Variants in KANSL1L observed in about 807,000 individuals in gnomAD.
KANSL1L encodes KAT8 regulatory NSL complex subunit 1 like, also known as KAT8 regulatory NSL complex subunit 1-like protein.
KANSL1L carries 25 observed loss-of-function variants against 108.6 expected under a neutral mutation model. The ratio of observed to expected loss-of-function variants is 0.23; its 90% CI spans 0.17 to 0.32. The LOEUF (loss-of-function observed/expected upper bound fraction) is 0.32. Among genes scored for constraint, KANSL1L ranks in the 10% least tolerant of loss-of-function variants. The pLI, the probability that KANSL1L is intolerant of heterozygous loss-of-function variation, is 1.00. For missense variants in KANSL1L, 1,137 were observed against 1,125.7 expected, an observed-to-expected ratio of 1.01 and a Z score of -0.14; for synonymous variants, 405 against 395.1, an observed-to-expected ratio of 1.03 and a Z score of -0.30.
chr2:210,125,148 G>C (rs1290473687), intron 3 of KANSL1L, among the ~76,000 whole-genome samples: 1 of 152,124 alleles, frequency 6.6e-6, no homozygotes, highest in Non-Finnish European at 1.5e-5. Context: ...CAGCTACTCA[G>C]GGGGCTGAGG....
At chr2:210,072,214 G>GAC (rs1180431009) in intron 6 of KANSL1L, among the ~76,000 whole-genome samples, 1 of 152,072 alleles carries the variant, frequency 6.6e-6, no homozygotes, top group African/African-American at 2.4e-5. Flanking sequence ...TGGCTTTCAT[G>GAC]ACATTGACAT....
In KANSL1L at chr2:210,129,076, T is replaced by A; in HGVS notation, c.1185A>T (p.Lys395Asn). Residue 395 changes from lysine to asparagine, a missense_variant, in exon 3 of 15, where the codon AAA becomes AAT. Lys to Asn is a moderately conservative substitution (Grantham distance 94, BLOSUM62 0). Coordinates refer to ENST00000281772, the MANE Select transcript of KANSL1L (RefSeq NM_152519.4). ...LQAQISDLEC[K>N]IQQLTDIHRQ... Reference sequence around the variant, plus strand: ...TGTGAATGTCTGTTAGTTGTTGGATTTTGCATTCTAGGTCTGAAATCTGAG... The same window carrying A: ...TGTGAATGTCTGTTAGTTGTTGGATATTGCATTCTAGGTCTGAAATCTGAG... 1 of 1,613,966 alleles carries A rather than the reference T, an allele frequency of 6.2e-7. No individual in the cohort carries two copies. Among genetic ancestry groups the A allele is most frequent in the Non-Finnish European group, 8.5e-7 (1 of 1,179,872 alleles).
At chr2:210,140,691 T>G (rs2095219664) in intron 2 of KANSL1L, among the ~76,000 whole-genome samples, 1 of 152,186 alleles carries the variant, frequency 6.6e-6, no homozygotes. Context: ...CTATGGAAAA[T>G]GCCAGTGGAA....
At chr2:210,112,083 A>C (rs191542302) in intron 3 of KANSL1L, among the ~76,000 whole-genome samples, 1 of 152,262 alleles carries the variant, frequency 6.6e-6, no homozygotes, top group East Asian at 1.9e-4. Context: ...TTATGGCTGC[A>C]TAGTATTCCA....
intron 1 of KANSL1L, among the ~76,000 whole-genome samples, chr2:210,169,281 AC>A (rs1688184640): frequency 6.6e-6 from 1 of 152,194 alleles, no homozygotes; most frequent in Non-Finnish European, 1.5e-5. Context: ...CACTAGCAAA[AC>A]CAGAAACATC....
chr2:210,150,810 A>G (rs1319572283), intron 2 of KANSL1L, among the ~76,000 whole-genome samples: 1 of 151,886 alleles, frequency 6.6e-6, no homozygotes, highest in Non-Finnish European at 1.5e-5. Flanking sequence ...AAAAAGAAAA[A>G]GAAAAAAAGA....
At chr2:210,079,704 A>ATATATATATATATGTATGTGTGTGTG (rs1559540024) in intron 5 of KANSL1L, 1 of 86,484 alleles carries the variant, frequency 1.2e-5, no homozygotes, top group African/African-American at 4.9e-5. Flanking sequence ...ATGTGTGTAT[A>ATATATATATATATGTATGTGTGTGTG]TATATATATA....
intron 4 of KANSL1L, among the ~76,000 whole-genome samples, chr2:210,098,490 A>G (rs1340304165): frequency 6.6e-6 from 1 of 152,110 alleles, no homozygotes; most frequent in African/African-American, 2.4e-5. Context: ...CAGCCTTTAT[A>G]TAATATTACC....
At chr2:210,167,495 T>A (rs543885926) in intron 1 of KANSL1L, among the ~76,000 whole-genome samples, 1 of 152,178 alleles carries the variant, frequency 6.6e-6, no homozygotes, top group South Asian at 2.1e-4. Flanking sequence ...TTTTTCTGTG[T>A]ATATCGATTT....
At chr2:210,148,384 C>T (rs903934787) in intron 2 of KANSL1L, among the ~76,000 whole-genome samples, 4 of 152,148 alleles carry the variant, frequency 2.6e-5, no homozygotes, top group Non-Finnish European at 5.9e-5. Flanking sequence ...TGAGAAATAA[C>T]GTAACTGTAG....
Position 210,044,431 on chromosome 2 carries a change from T to A in KANSL1L, c.1756-327A>T, listed in dbSNP as rs1467033206. On this transcript the variant is annotated intron_variant, in intron 6 of 14. Transcript: ENST00000281772. This position sits in a 1 kb window ranked among gnomAD's most constrained non-coding sequence, Gnocchi z 4.2. ...AACTGTAATTTTTTTCCTTCAATCCTACTAGTTTTTTTTTTAGGGAGTTCC... is the reference window on the plus strand; with the variant it reads ...AACTGTAATTTTTTTCCTTCAATCCAACTAGTTTTTTTTTTAGGGAGTTCC... Among the ~76,000 whole-genome samples, 5 of 152,192 alleles carry A rather than the reference T, an allele frequency of 3.3e-5. No homozygotes were observed. In the Middle Eastern group the frequency reaches 0.01, roughly 311 times the overall value.
intron 5 of KANSL1L, among the ~76,000 whole-genome samples, chr2:210,084,231 G>A (rs1231439787): frequency 1.3e-5 from 2 of 152,072 alleles, no homozygotes; most frequent in Admixed American, 1.3e-4. Context: ...AGACCAGCCT[G>A]GCCAGCATGG....
At chr2:210,052,726 T>C (rs778492351) in intron 6 of KANSL1L, among the ~76,000 whole-genome samples, 1 of 152,236 alleles carries the variant, frequency 6.6e-6, no homozygotes, top group Non-Finnish European at 1.5e-5. Context: ...GTAGGAACCC[T>C]TTCTGTCATG....
chr2:210,131,471 T>C (rs944286360), intron 2 of KANSL1L, among the ~76,000 whole-genome samples: 3 of 152,216 alleles, frequency 2.0e-5, no homozygotes, highest in African/African-American at 7.2e-5. Context: ...CAATTTGGTT[T>C]GGCTATAATA....
chr2:210,158,513 A>G (rs1260498458), intron 1 of KANSL1L, among the ~76,000 whole-genome samples: 1 of 152,182 alleles, frequency 6.6e-6, no homozygotes, highest in African/African-American at 2.4e-5. Flanking sequence ...GACCCACAGC[A>G]ATTATGAAAT....
At chr2:210,079,656 ATATATATATGTATG>A (rs1428699997) in intron 5 of KANSL1L, 6 of 18,072 alleles carry the variant, frequency 3.3e-4, no homozygotes, top group East Asian at 9.2e-3. Flanking sequence ...ATATATATAT[ATATATATATGTATG>A]TGTGTATATA....
Position 210,165,026 on chromosome 2 carries a change from C to T in KANSL1L, c.-30+6123G>A, listed in dbSNP as rs542170426. ...GATTACAGATGCATGCCACCATGCC[C>T]AGCTAATTTTTTGTATCTTTAGTAG... On this transcript the variant is annotated intron_variant, in intron 1 of 14. Transcript: ENST00000281772. Among the ~76,000 whole-genome samples the T allele has an allele frequency of 9.0e-4, 136 of 151,678 alleles. 1 individual carries two copies. Among genetic ancestry groups the T allele is most frequent in the African/African-American group, 3.2e-3 (132 of 41,430 alleles).
chr2:210,080,064 C>T (rs1021190755), intron 5 of KANSL1L, among the ~76,000 whole-genome samples: 2 of 151,520 alleles, frequency 1.3e-5, no homozygotes, highest in Admixed American at 6.6e-5. Context: ...CCCCTCTAGT[C>T]CCTTCTATAC....
intron 2 of KANSL1L, chr2:210,151,934 T>C (rs976053761): frequency 4.9e-4 from 75 of 152,338 alleles, no homozygotes; most frequent in African/African-American, 1.8e-3. Flanking sequence ...GTGTTTGGCT[T>C]CTAATTCTGT....
Sources: allele counts gnomAD v4.1 joint callset (sites outside exome capture counted in the v4.1 genomes callset), GRCh38; gene constraint gnomAD v4.1.1; non-coding constraint Gnocchi (gnomAD v3.1); transcripts MANE v1.5; gene names NCBI Gene and HGNC (gene_info 2026-07-23, HGNC 2026-07-21).